The following SMC1B variants were observed in gnomAD, a reference collection of about 807,000 sequenced individuals.
SMC1B encodes the protein structural maintenance of chromosomes 1B.
SMC1B carries 60 observed loss-of-function variants against 157.9 expected under a neutral mutation model. The ratio of observed to expected loss-of-function variants is 0.38; its 90% CI spans 0.31 to 0.47. The LOEUF (loss-of-function observed/expected upper bound fraction) is 0.47, where lower values mean the gene tolerates loss of function less well. SMC1B is among the 20% of genes least tolerant of loss of function. The probability of loss-of-function intolerance (pLI) is 0.99; values close to 1 mark genes in which losing one functional copy is unlikely to be tolerated. For missense variants in SMC1B, 1,165 were observed against 1,426.2 expected (o/e 0.82, Z 2.95); for synonymous variants, 445 against 483.0 (o/e 0.92, Z 1.03).
intron 15 of SMC1B, among the ~76,000 whole-genome samples, chr22:45,365,533 C>T (rs2086767391): frequency 6.6e-6 from 1 of 152,026 alleles, no homozygotes; most frequent in Non-Finnish European, 1.5e-5. Flanking sequence ...GGCAAAACCC[C>T]ATCTCTACAA....
chr22:45,411,047 C>A (rs1311162296), intron 1 of SMC1B, among the ~76,000 whole-genome samples: 1 of 152,132 alleles, frequency 6.6e-6, no homozygotes, highest in Non-Finnish European at 1.5e-5. Flanking sequence ...TAAGTCAATC[C>A]TTATTTAAAT....
intron 22 of SMC1B, 121 bp from the exon 23 acceptor site, chr22:45,349,918 A>G (rs1245059914): frequency 1.1e-5 from 8 of 752,582 alleles, no homozygotes; most frequent in African/African-American, 1.8e-5. Context: ...TTTCTAAGTA[A>G]TCGGTGACCT....
intron 21 of SMC1B, 85 bp downstream of exon 21, chr22:45,353,893 C>CAAATAAAAAAAAAAAAAAA: frequency 4.1e-6 from 1 of 246,794 alleles, no homozygotes; most frequent in Non-Finnish European, 6.8e-6. Context: ...TATTTCCCAC[C>CAAATAAAAAAAAAAAAAAA]AAAAAAAAAA....
Position 45,354,075 on chromosome 22 carries a change from T to C in SMC1B, c.3176A>G (p.Lys1059Arg), listed in dbSNP as rs761996546. Residue 1059 changes from lysine (K) to arginine (R), a missense_variant, in exon 21 of 25, where the codon AAA becomes AGA. By Grantham distance (26) the Lys-to-Arg change is conservative (BLOSUM62 2). Coordinates refer to ENST00000357450, the MANE Select transcript of SMC1B (RefSeq NM_148674.5). ...RLCRQEFEQVKKRRYDLFTQC... is the reference protein window; with the variant it reads ...RLCRQEFEQVRKRRYDLFTQC... ...GGTGAAAAGATCGTATCTCCTTTTTTTCACTTGCTCGAACTCTTGCCTACA... is the reference window on the plus strand; with the variant it reads ...GGTGAAAAGATCGTATCTCCTTTTTCTCACTTGCTCGAACTCTTGCCTACA... 1.9e-6 allele frequency: 3 copies of C among 1,603,798 alleles called. No individual in the cohort carries two copies. The highest frequency in any genetic ancestry group is 3.5e-5 in the Admixed American group (2 of 57,312).
chr22:45,409,609 T>TAAAAAA (rs71190664), intron 1 of SMC1B, among the ~76,000 whole-genome samples: 1 of 84,298 alleles, frequency 1.2e-5, no homozygotes, highest in South Asian at 3.4e-4. Context: ...AATAAATAAA[T>TAAAAAA]AAAAACAAGA....
At position 45,362,986 on chromosome 22, in the gene SMC1B, G is replaced by C. The variant is rs1288559372; in HGVS notation, c.2461C>G (p.Leu821Val). 6.3e-7 allele frequency: 1 copy of C among 1,594,288 alleles called. No individual in the cohort carries two copies. Among genetic ancestry groups the C allele is most frequent in the Admixed American group, 1.8e-5 (1 of 55,266 alleles). Residue 821 changes from leucine to valine, a missense_variant, in exon 16 of 25, where the codon CTT becomes GTT. By Grantham distance (32) the Leu-to-Val change is conservative (BLOSUM62 1). Transcript: ENST00000357450. ...TTAAGGTGACTGCGACTATACTCAA[G>C]TTGAACATTAAGCCGAGTTTTTTGT... ...EKQKTRLNVQLEYSRSHLKKK... is the reference protein window; with the variant it reads ...EKQKTRLNVQVEYSRSHLKKK...
intron 23 of SMC1B, among the ~76,000 whole-genome samples, chr22:45,348,654 C>A (rs1466379719): frequency 6.6e-6 from 1 of 152,012 alleles, no homozygotes; most frequent in Non-Finnish European, 1.5e-5. Flanking sequence ...GTCCTCTAAG[C>A]CTTGAATGAA....
chr22:45,354,172 A>AGGAG (rs1274041573), intron 20 of SMC1B, 40 bp from the exon 21 acceptor site: 14 of 1,449,128 alleles, frequency 9.7e-6, no homozygotes, highest in Middle Eastern at 1.8e-4. Context: ...GAGACCACTG[A>AGGAG]GGAGGTTCTT....
chr22:45,381,743 C>T (rs780381409), intron 12 of SMC1B, among the ~76,000 whole-genome samples: 6 of 152,192 alleles, frequency 3.9e-5, no homozygotes, highest in Non-Finnish European at 8.8e-5. Context: ...CTTCCCAGAA[C>T]TTTTTCTGTG....
intron 18 of SMC1B, among the ~76,000 whole-genome samples, chr22:45,359,201 C>T (rs752632188): frequency 2.6e-5 from 4 of 152,164 alleles, no homozygotes; most frequent in Non-Finnish European, 4.4e-5. Flanking sequence ...TCAGCATCCT[C>T]GGATTTTGAT....
rs759589156 is a variant in SMC1B, at chr22:45,389,846, C to T, written c.1597G>A (p.Ala533Thr). 1.9e-6 allele frequency: 3 copies of T among 1,613,948 alleles called. No homozygotes were observed. The African/African-American group carries it at 4.0e-5, about 22-fold the overall frequency. ...CHPIHKKYQLAVTKVFGRFIT... is the reference protein window; with the variant it reads ...CHPIHKKYQLTVTKVFGRFIT... ...AACCGGCCAAAAACCTTAGTAACAGCCAGCTGGTATTTCTTATGAATAGGA... is the reference window on the plus strand; with the variant it reads ...AACCGGCCAAAAACCTTAGTAACAGTCAGCTGGTATTTCTTATGAATAGGA... The change falls in exon 10 of 25, where the codon GCT becomes ACT. Residue 533 changes from alanine to threonine, a missense_variant. Ala to Thr is a moderately conservative substitution (Grantham distance 58). Coordinates refer to ENST00000357450, the MANE Select transcript of SMC1B (RefSeq NM_148674.5).
intron 1 of SMC1B, among the ~76,000 whole-genome samples, chr22:45,412,380 T>C (rs2087349810): frequency 6.7e-6 from 1 of 150,290 alleles, no homozygotes; most frequent in Non-Finnish European, 1.5e-5. Context: ...TTTGTATTTT[T>C]AGTAGAGACA....
At chr22:45,383,254 T>C (rs1404926150) in intron 12 of SMC1B, among the ~76,000 whole-genome samples, 1 of 152,120 alleles carries the variant, frequency 6.6e-6, no homozygotes, top group Non-Finnish European at 1.5e-5. Context: ...AAAGAAAATT[T>C]CTGGAAGCTG....
At position 45,359,833 on chromosome 22, in the gene SMC1B, C is replaced by T; in HGVS notation, c.2834G>A (p.Gly945Glu). Residue 945 changes from glycine (G) to glutamate (E), a missense_variant, in exon 18 of 25, where the codon GGG (glycine) becomes GAG (glutamate). By Grantham distance (98) the Gly-to-Glu change is moderately conservative (BLOSUM62 -2). Coordinates refer to ENST00000357450, the MANE Select transcript of SMC1B (RefSeq NM_148674.5). ...VQDIEIILLS[G>E]SLDDIIEVEM... The stretch of plus-strand genomic sequence containing the variant: ...CACTTCAATGATGTCATCCAGTGAC[C>T]CCGACAAAAGGATTATCTCAATGTC... 6.2e-7 allele frequency: 1 copy of T among 1,613,464 alleles called. No homozygotes were observed. The highest frequency in any genetic ancestry group is 8.5e-7 in the Non-Finnish European group (1 of 1,179,678).
At chr22:45,396,623 AC>A (rs1440045986) in intron 6 of SMC1B, 137 bp from the exon 7 acceptor site, 2 of 516,200 alleles carry the variant, frequency 3.9e-6, no homozygotes, top group Non-Finnish European at 6.1e-6. Context: ...ATAATCGACC[AC>A]CTTCCCCCGG....
intron 12 of SMC1B, among the ~76,000 whole-genome samples, chr22:45,378,794 AT>A (rs1180436966): frequency 6.6e-6 from 1 of 152,168 alleles, no homozygotes; most frequent in African/African-American, 2.4e-5. Context: ...CAGATTTATA[AT>A]GGAAATCTTT....
rs562862902 is a variant in SMC1B at position 45,371,442 on chromosome 22, C to A, written c.2313+29G>T. ...GTATCTGGTCTAGAACTACATATAC[C>A]ATTTAGGAATAAATATAACATTCAT... On this transcript the variant is annotated intron_variant, in intron 14 of 24. Transcript: ENST00000357450. 5.1e-6 allele frequency: 8 copies of A among 1,556,754 alleles called. No individual in the cohort carries two copies. In the African/African-American group the frequency reaches 1.1e-4, roughly 22 times the overall value.
intron 12 of SMC1B, among the ~76,000 whole-genome samples, chr22:45,374,041 G>T (rs1326381193): frequency 7.1e-6 from 1 of 141,106 alleles, no homozygotes; most frequent in Non-Finnish European, 1.6e-5. Context: ...CAAGGTAAAA[G>T]AAACCGGAAA....
chr22:45,393,459 ATTAG>A (rs2087085068), intron 9 of SMC1B, among the ~76,000 whole-genome samples, 171 bp downstream of exon 9: 1 of 152,204 alleles, frequency 6.6e-6, no homozygotes. Flanking sequence ...TTTTACCCTA[ATTAG>A]TTACTGTCAC....
Sources: gnomAD v4.1 joint callset for allele counts (sites outside exome capture counted in the v4.1 genomes callset) on GRCh38, gnomAD v4.1.1 for gene constraint, MANE v1.5 for transcripts, NCBI Gene and HGNC (gene_info 2026-07-23, HGNC 2026-07-21) for gene names.